TLR1: variants seen among roughly 807,000 people sequenced by gnomAD.
The protein encoded by TLR1 is toll like receptor 1.
A neutral mutation model predicts 20.2 loss-of-function variants in TLR1; 19 were observed. That is an observed-to-expected ratio of 0.94 (90% CI 0.66 to 1.38). The LOEUF (loss-of-function observed/expected upper bound fraction) is 1.38, where lower values mean the gene tolerates loss of function less well. TLR1 is among the 40% of genes most tolerant of loss of function. The pLI is 0.00. For missense variants in TLR1, 921 were observed against 910.0 expected, an observed-to-expected ratio of 1.01 and a Z score of -0.16; for synonymous variants, 320 against 334.5, an observed-to-expected ratio of 0.96 and a Z score of 0.47.
chr4:38,790,958 A>C, exon 4 of TLR1: 1 of 152,090 alleles, frequency 6.6e-6, no homozygotes, highest in Middle Eastern at 3.2e-3. Context: ...CCTGGCTCTC[A>C]ATCTTGTTTG....
intron 2 of TLR1, among the ~76,000 whole-genome samples, chr4:38,803,461 G>A (rs1307461183): frequency 1.3e-5 from 2 of 152,148 alleles, no homozygotes; most frequent in South Asian, 2.1e-4. Flanking sequence ...GTTTTATGTC[G>A]AGCTAAATTA....
chr4:38,805,106 G>C (rs1018072071), upstream of TLR1: 1 of 152,268 alleles, frequency 6.6e-6, no homozygotes, highest in Non-Finnish European at 1.5e-5. Context: ...AATTCAAAAT[G>C]CTTACCGTGG....
In TLR1 at chr4:38,796,491, T is replaced by A; in HGVS notation, c.2341A>T (p.Thr781Ser). Residue 781 changes from threonine (T) to serine (S), a missense_variant, in exon 4 of 4, where the codon ACA becomes TCA. By Grantham distance (58) the Thr-to-Ser change is moderately conservative. Coordinates refer to ENST00000308979, the MANE Select transcript of TLR1 (RefSeq NM_003263.4). ...NLRAAINIKL[T>S]EQAKK ...GTAATCTATTTCTTTGCTTGCTCTG[T>A]CAGCTTAATATTAATGGCTGCCCTT... The A allele has an allele frequency of 6.2e-7, 1 of 1,607,248 alleles. No homozygotes were observed. The highest frequency in any genetic ancestry group is 8.5e-7 in the Non-Finnish European group (1 of 1,174,246).
chr4:38,797,144 C>T lies in TLR1; in HGVS notation c.1688G>A (p.Arg563Lys). The part of the protein sequence containing the change: ...SYKCDYPESY[R>K]GTLLKDFHMS... ...GTGAAAGTCCTTTAGTAGGGTTCCT[C>T]TATAACTTTCCGGGTAGTCACACTT... The change falls in exon 4 of 4, where the codon AGA (arginine) becomes AAA (lysine). Residue 563 changes from arginine to lysine, a missense_variant. By Grantham distance (26) the Arg-to-Lys change is conservative. Coordinates refer to ENST00000308979, the MANE Select transcript of TLR1 (RefSeq NM_003263.4). The T allele has an allele frequency of 6.2e-7, 1 of 1,614,244 alleles. No homozygotes were observed. The highest frequency in any genetic ancestry group is 8.5e-7 in the Non-Finnish European group (1 of 1,180,052).
At chr4:38,799,025 G>A (rs1726442392) in intron 3 of TLR1, 127 bp from the exon 4 acceptor site, 1 of 495,478 alleles carries the variant, frequency 2.0e-6, no homozygotes, top group African/African-American at 2.0e-5. Flanking sequence ...ATTCTTTTGG[G>A]TTACATGGCC....
intron 2 of TLR1, among the ~76,000 whole-genome samples, chr4:38,802,303 G>A (rs1168711547): frequency 1.3e-5 from 2 of 152,208 alleles, no homozygotes; most frequent in African/African-American, 4.8e-5. Flanking sequence ...CACACCTGAA[G>A]CTGGTGGTTA....
At chr4:38,804,022 G>A (rs1048929317) in intron 2 of TLR1, among the ~76,000 whole-genome samples, 1 of 152,022 alleles carries the variant, frequency 6.6e-6, no homozygotes, top group Non-Finnish European at 1.5e-5. Flanking sequence ...ATTTACTAAG[G>A]GCCTTCTCTG....
rs1726321932 is a variant in TLR1, at chr4:38,798,347, A to C, written c.485T>G (p.Leu162Trp). ...EKSSVLPIAHLNISKVLLVLG... is the reference protein window; with the variant it reads ...EKSSVLPIAHWNISKVLLVLG... The stretch of plus-strand genomic sequence containing the variant: ...GACCAGCAAGACCTTGCTGATATTC[A>C]AATGAGCAATTGGCAGCACACTAGA... Residue 162 changes from leucine (L) to tryptophan (W), a missense_variant, in exon 4 of 4, where the codon TTG becomes TGG. Leu to Trp is a moderately conservative substitution (Grantham distance 61, BLOSUM62 -2). Transcript: ENST00000308979. 6.2e-7 allele frequency: 1 copy of C among 1,613,916 alleles called. No individual in the cohort carries two copies. Among genetic ancestry groups the C allele is most frequent in the Non-Finnish European group, 8.5e-7 (1 of 1,179,984 alleles).
At position 38,796,372 on chromosome 4, in the gene TLR1, A is replaced by G. The variant is rs1413821815; in HGVS notation, c.*99T>C. 2 of 1,345,228 alleles carry G rather than the reference A, an allele frequency of 1.5e-6. No individual in the cohort carries two copies. Among genetic ancestry groups the G allele is most frequent in the East Asian group, 2.4e-5 (1 of 42,542 alleles). The allele number at this position is 1,345,228 out of a possible 1,614,324, so 83.3% of individuals were successfully genotyped here. On this transcript the variant is annotated 3_prime_UTR_variant, in exon 4 of 4. Transcript: ENST00000308979. ...TTTTTACCTACATCATACACTCACA[A>G]TTGTGTTTACATCTATGCTGATGCA...
Position 38,797,116 on chromosome 4 carries a change from C to T in TLR1, c.1716G>A (p.Met572Ile). ...YRGTLLKDFHMSELSCNITLL... is the reference protein window; with the variant it reads ...YRGTLLKDFHISELSCNITLL... Reference sequence around the variant, plus strand: ...GAGTTATGTTGCAGGATAATTCAGACATGTGAAAGTCCTTTAGTAGGGTTC... The same window carrying T: ...GAGTTATGTTGCAGGATAATTCAGATATGTGAAAGTCCTTTAGTAGGGTTC... Residue 572 changes from methionine (M) to isoleucine (I), a missense_variant, in exon 4 of 4, where the codon ATG becomes ATA. By Grantham distance (10) the Met-to-Ile change is conservative (BLOSUM62 1). Transcript: ENST00000308979. 1 of 1,614,214 alleles carries T rather than the reference C, an allele frequency of 6.2e-7. No homozygotes were observed.
At chr4:38,801,798 C>T (rs1347879020) in intron 2 of TLR1, among the ~76,000 whole-genome samples, 2 of 152,160 alleles carry the variant, frequency 1.3e-5, no homozygotes, top group Non-Finnish European at 2.9e-5. Context: ...CTGCCTGCCC[C>T]CAAGTGTTAG....
chr4:38,796,502 T>G lies in TLR1; in HGVS notation c.2330A>C (p.Asn777Thr). 1 of 1,612,870 alleles carries G rather than the reference T, an allele frequency of 6.2e-7. No individual in the cohort carries two copies. The highest frequency in any genetic ancestry group is 8.5e-7 in the Non-Finnish European group (1 of 1,178,888). The change falls in exon 4 of 4, where the codon AAT (asparagine) becomes ACT (threonine). Residue 777 changes from asparagine to threonine, a missense_variant. Asn to Thr is a moderately conservative substitution (Grantham distance 65). Transcript: ENST00000308979. ...LFWANLRAAINIKLTEQAKK is the reference protein window; with the variant it reads ...LFWANLRAAITIKLTEQAKK ...CTTTGCTTGCTCTGTCAGCTTAATA[T>G]TAATGGCTGCCCTTAAGTTAGCCCA...
At chr4:38,792,853 TTATATA>T (rs72518392), downstream of TLR1, among the ~76,000 whole-genome samples, 5,095 of 122,240 alleles carry the variant, frequency 0.042, 475 homozygotes, top group African/African-American at 0.15. Flanking sequence ...TATTTTCAAA[TTATATA>T]TATATATATA....
intron 2 of TLR1, among the ~76,000 whole-genome samples, chr4:38,801,696 C>T (rs970914335): frequency 3.3e-5 from 5 of 152,210 alleles, no homozygotes; most frequent in African/African-American, 9.7e-5. Flanking sequence ...AGTGCGAGAG[C>T]TTGGCTCGCA....
At chr4:38,790,660 T>C (rs1725694395), downstream of TLR1, 1 of 152,172 alleles carries the variant, frequency 6.6e-6, no homozygotes, top group Non-Finnish European at 1.5e-5. Flanking sequence ...TTTTTGATAA[T>C]GTCTTCACCT....
chr4:38,797,608 A>G lies in TLR1; in HGVS notation c.1224T>C (p.Asn408=). Residue 408 remains asparagine (N), a synonymous_variant, in exon 4 of 4, where the codon AAT becomes AAC. Coordinates refer to ENST00000308979, the MANE Select transcript of TLR1 (RefSeq NM_003263.4). ...CTTTCTTTTCATCATAGCTTACAGA[A>G]TTCTGGCTAATATCCAATTGTTGCA... The part of the protein sequence containing the change: ...KSLQQLDISQ[N]SVSYDEKKGD... 10 of 1,613,844 alleles carry G rather than the reference A, an allele frequency of 6.2e-6. No individual in the cohort carries two copies. The highest frequency in any genetic ancestry group is 8.5e-6 in the Non-Finnish European group (10 of 1,180,010).
In TLR1 at chr4:38,797,667, T is replaced by C; in HGVS notation, c.1165A>G (p.Lys389Glu). The C allele has an allele frequency of 6.2e-7, 1 of 1,613,940 alleles. No homozygotes were observed. The highest frequency in any genetic ancestry group is 8.5e-7 in the Non-Finnish European group (1 of 1,179,970). ...LQMNQLKELS[K>E]IAEMTTQMKS... ...ATCTGTGTAGTCATTTCAGCTATTTTTGAAAGTTCTTTTAATTGATTCATT... is the reference window on the plus strand; with the variant it reads ...ATCTGTGTAGTCATTTCAGCTATTTCTGAAAGTTCTTTTAATTGATTCATT... The change falls in exon 4 of 4, where the codon AAA (lysine) becomes GAA (glutamate). Residue 389 changes from lysine to glutamate, a missense_variant. Transcript: ENST00000308979.
In TLR1 at chr4:38,796,400, A is replaced by C; in HGVS notation, c.*71T>G. On this transcript the variant is annotated 3_prime_UTR_variant, in exon 4 of 4. Coordinates refer to ENST00000308979, the MANE Select transcript of TLR1 (RefSeq NM_003263.4). ...GTGTTTACATCTATGCTGATGCAAA[A>C]TAAAGTCATTGTTGGAACTTCCAAA... 6.5e-7 allele frequency: 1 copy of C among 1,531,302 alleles called. No individual in the cohort carries two copies. The highest frequency in any genetic ancestry group is 8.9e-7 in the Non-Finnish European group (1 of 1,129,144). 94.9% of individuals were successfully genotyped at this position (1,531,302 alleles called of 1,614,324 possible). A position where few individuals can be genotyped will look rare whatever the true frequency, so the allele number is the denominator to read the frequency against.
downstream of TLR1, among the ~76,000 whole-genome samples, chr4:38,795,485 C>A (rs141052890): frequency 6.6e-6 from 1 of 152,130 alleles, no homozygotes; most frequent in Non-Finnish European, 1.5e-5. Flanking sequence ...ATAGAAGCAC[C>A]GTATATCAAC....
Sources: allele counts gnomAD v4.1 joint callset (sites outside exome capture counted in the v4.1 genomes callset), GRCh38; gene constraint gnomAD v4.1.1; transcripts MANE v1.5; gene names NCBI Gene and HGNC (gene_info 2026-07-23, HGNC 2026-07-21).